The following TCL1B variants were observed in gnomAD, a reference collection of about 807,000 sequenced individuals.
TCL1B encodes the protein TCL1 family AKT coactivator B, also known as T-cell leukemia/lymphoma protein 1B.
In TCL1B, 14 loss-of-function variants were observed where a neutral mutation model predicts 16.9. The ratio of observed to expected loss-of-function variants is 0.83; its 90% CI spans 0.55 to 1.30. TCL1B has a LOEUF of 1.30. TCL1B is among the 50% of genes most tolerant of loss of function. The probability of loss-of-function intolerance (pLI) is 0.00; values close to 1 mark genes in which losing one functional copy is unlikely to be tolerated. For missense variants in TCL1B, 166 were observed against 165.2 expected (o/e 1.00, Z -0.03); for synonymous variants, 79 against 66.6 (o/e 1.19, Z -0.91).
chr14:95,691,596 T>G, intron 3 of TCL1B: 1 of 357,070 alleles, frequency 2.8e-6, no homozygotes, highest in Non-Finnish European at 5.1e-6. Context: ...TTGTGAGGTG[T>G]ACGTGTTAAT....
In TCL1B at chr14:95,686,640, G is replaced by A; in HGVS notation, c.162+11G>A. The stretch of plus-strand genomic sequence containing the variant: ...TCCCAGGGCAGCAGAGTGAGTCCTG[G>A]GCACGAGGGGAGGCTGTGGGGAGGG... On this transcript the variant is annotated intron_variant, in intron 1 of 3. Coordinates refer to ENST00000340722, the MANE Select transcript of TCL1B (RefSeq NM_004918.4). 6.3e-7 allele frequency: 1 copy of A among 1,597,590 alleles called. No individual in the cohort carries two copies. The highest frequency in any genetic ancestry group is 8.5e-7 in the Non-Finnish European group (1 of 1,172,338).
intron 2 of TCL1B, 117 bp from the exon 3 acceptor site, chr14:95,691,150 TG>T: frequency 7.9e-7 from 1 of 1,258,284 alleles, no homozygotes; most frequent in Non-Finnish European, 1.1e-6. Flanking sequence ...ATCCACAAGC[TG>T]GAGTTCCCAC....
At chr14:95,690,665 A>G in intron 1 of TCL1B, 71 bp from the exon 2 acceptor site, 1 of 1,530,864 alleles carries the variant, frequency 6.5e-7, no homozygotes, top group Non-Finnish European at 8.9e-7. Flanking sequence ...CCCACTGGCC[A>G]TTGCTTGTGT....
chr14:95,689,609 G>C (rs77355010), intron 1 of TCL1B, among the ~76,000 whole-genome samples: 5,867 of 152,324 alleles, frequency 0.039, 352 homozygotes, highest in African/African-American at 0.13. Context: ...AAAGGCAACG[G>C]TAAAGGAATG....
At position 95,686,522 on chromosome 14, in the gene TCL1B, C is replaced by T. The variant is rs952779111; in HGVS notation, c.55C>T (p.Gln19Ter). 1 of 1,613,794 alleles carries T rather than the reference C, an allele frequency of 6.2e-7. No homozygotes were observed. Among genetic ancestry groups the T allele is most frequent in the Non-Finnish European group, 8.5e-7 (1 of 1,179,844 alleles). The stretch of plus-strand genomic sequence containing the variant: ...GGTGCCCCCTGGCCGTCTGTGGATC[C>T]AGAGGCCTGGCATCTACGAAGATGA... ...LGVPPGRLWI[Q>*]RPGIYEDEEG... Residue 19 changes from glutamine to a stop codon, truncating the protein, a stop_gained, in exon 1 of 4, where the codon CAG becomes TAG. Coordinates refer to ENST00000340722, the MANE Select transcript of TCL1B (RefSeq NM_004918.4). LOFTEE classifies it high-confidence loss of function.
chr14:95,690,652 C>G lies in TCL1B; in HGVS notation c.163-84C>G. 6.9e-6 allele frequency: 10 copies of G among 1,449,030 alleles called. No individual in the cohort carries two copies. The South Asian group carries it at 1.3e-4, about 19-fold the overall frequency. The allele number at this position is 1,449,030 out of a possible 1,614,324, so 89.8% of individuals were successfully genotyped here. On this transcript the variant is annotated intron_variant, in intron 1 of 3. Coordinates refer to ENST00000340722, the MANE Select transcript of TCL1B (RefSeq NM_004918.4). ...TGAAAACATTTACCTCTGACCCTGG[C>G]AGCCCACTGGCCATTGCTTGTGTGC...
chr14:95,689,082 C>G (rs58390694), intron 1 of TCL1B, among the ~76,000 whole-genome samples: 25 of 151,680 alleles, frequency 1.6e-4, no homozygotes, highest in African/African-American at 3.9e-4. Flanking sequence ...GTCAGGAGAT[C>G]GAGACCATCC....
rs1885880268 is a variant in TCL1B, at chr14:95,691,302, A to C, written c.368A>C (p.Gln123Pro). ...DSMEQLVLTY[Q>P]PERKD ...ATGGAGCAGCTGGTCCTAACATATC[A>C]GCCGGAGAGGAAAGACTGACACTGG... is the stretch of plus-strand genomic sequence containing the variant. Residue 123 changes from glutamine to proline, a missense_variant, in exon 3 of 4, where the codon CAG becomes CCG. Physicochemically the swap from Gln to Pro is moderately conservative, Grantham distance 76. Coordinates refer to ENST00000340722, the MANE Select transcript of TCL1B (RefSeq NM_004918.4). The C allele has an allele frequency of 6.2e-7, 1 of 1,613,526 alleles. No individual in the cohort carries two copies. Among genetic ancestry groups the C allele is most frequent in the Admixed American group, 1.7e-5 (1 of 59,976 alleles).
Position 95,686,430 on chromosome 14 carries a change from G to T in TCL1B, c.-38G>T, listed in dbSNP as rs183380595. The T allele has an allele frequency of 6.4e-6, 10 of 1,564,796 alleles. No homozygotes were observed. The highest frequency in any genetic ancestry group is 1.8e-5 in the Admixed American group (1 of 54,290). On this transcript the variant is annotated 5_prime_UTR_variant, in exon 1 of 4. Transcript: ENST00000340722. ...AGATTGCGCAGCTGGAAAGCTACACGTGTGAGCCTAGAGGCGGGTCCCGGT... is the reference window on the plus strand; with the variant it reads ...AGATTGCGCAGCTGGAAAGCTACACTTGTGAGCCTAGAGGCGGGTCCCGGT...
chr14:95,689,039 C>T (rs1016923804), intron 1 of TCL1B, among the ~76,000 whole-genome samples: 5 of 152,162 alleles, frequency 3.3e-5, no homozygotes, highest in African/African-American at 1.2e-4. Flanking sequence ...GTAATCCCAG[C>T]ACTTTGGGGG....
At chr14:95,691,364 G>A (rs369479571) in intron 3 of TCL1B, 28 bp downstream of exon 3, 2 of 1,602,652 alleles carry the variant, frequency 1.2e-6, no homozygotes, top group Non-Finnish European at 1.7e-6. Context: ...GCGTCTCAGT[G>A]TAGGGATCAG....
In TCL1B at chr14:95,691,348, C is replaced by T. The variant is rs774018151; in HGVS notation, c.*15+12C>T. The stretch of plus-strand genomic sequence containing the variant: ...ACTGGGAGTGGCTGGTATGTTGGGG[C>T]CCTGTGCGTCTCAGTGTAGGGATCA... On this transcript the variant is annotated intron_variant, in intron 3 of 3. Transcript: ENST00000340722. 10 of 1,611,628 alleles carry T rather than the reference C, an allele frequency of 6.2e-6. No homozygotes were observed. Among genetic ancestry groups the T allele is most frequent in the African/African-American group, 5.3e-5 (4 of 74,822 alleles).
At chr14:95,688,086 C>T (rs1885802098) in intron 1 of TCL1B, 1 of 152,090 alleles carries the variant, frequency 6.6e-6, no homozygotes, top group Admixed American at 6.5e-5. Flanking sequence ...ACCTCCACCT[C>T]CCAGGCTCAA....
rs750840465 is a variant in TCL1B at position 95,690,912 on chromosome 14, T to C, written c.333+6T>C. On this transcript the variant is annotated splice_donor_region_variant and intron_variant, in intron 2 of 3. Coordinates refer to ENST00000340722, the MANE Select transcript of TCL1B (RefSeq NM_004918.4). Reference sequence around the variant, plus strand: ...AAATAGCAGACCATGGCCAGGCAAGTGTGTGGTGGTTCTAGGTGAAAGCGA... The same window carrying C: ...AAATAGCAGACCATGGCCAGGCAAGCGTGTGGTGGTTCTAGGTGAAAGCGA... The C allele has an allele frequency of 6.8e-6, 11 of 1,612,170 alleles. No individual in the cohort carries two copies. Among genetic ancestry groups the C allele is most frequent in the African/African-American group, 1.3e-5 (1 of 74,870 alleles).
intron 1 of TCL1B, among the ~76,000 whole-genome samples, chr14:95,690,525 C>T (rs973188393): frequency 6.6e-6 from 1 of 151,980 alleles, no homozygotes; most frequent in Non-Finnish European, 1.5e-5. Context: ...TTGGGGATTG[C>T]AGTGGGGCGA....
chr14:95,689,094 G>C (rs1181004006), intron 1 of TCL1B, among the ~76,000 whole-genome samples: 1 of 152,036 alleles, frequency 6.6e-6, no homozygotes, highest in Admixed American at 6.6e-5. Flanking sequence ...AGACCATCCT[G>C]GCTAACACGG....
At chr14:95,691,702 G>A in intron 3 of TCL1B, 1 of 208,818 alleles carries the variant, frequency 4.8e-6, no homozygotes, top group East Asian at 1.2e-4. Context: ...AGTGATCTCG[G>A]GTCCCTAGAT....
intron 1 of TCL1B, chr14:95,689,493 A>G (rs1206261242): frequency 6.6e-6 from 1 of 152,194 alleles, no homozygotes; most frequent in South Asian, 2.1e-4. Flanking sequence ...TCTAATGCAA[A>G]GATCAGCCAC....
At chr14:95,690,461 G>T (rs1885855184) in intron 1 of TCL1B, among the ~76,000 whole-genome samples, 1 of 152,096 alleles carries the variant, frequency 6.6e-6, no homozygotes, top group Admixed American at 6.6e-5. Context: ...GGAGCCCCAA[G>T]AGAATACTCA....
Sources: gnomAD v4.1 joint callset for allele counts (sites outside exome capture counted in the v4.1 genomes callset) on GRCh38, gnomAD v4.1.1 for gene constraint, MANE v1.5 for transcripts, NCBI Gene and HGNC (gene_info 2026-07-23, HGNC 2026-07-21) for gene names.